SLC35F3: variants seen among roughly 807,000 people sequenced by gnomAD.
SLC35F3 encodes solute carrier family 35 member F3.
Under a neutral mutation model 49.9 loss-of-function variants are expected in SLC35F3, and 25 were observed. The ratio of observed to expected loss-of-function variants is 0.50; its 90% confidence interval spans 0.37 to 0.70. The LOEUF is 0.70. SLC35F3 is among the 30% of genes least tolerant of loss of function. The pLI is 0.00. For missense variants in SLC35F3, 525 were observed against 639.8 expected (o/e 0.82, Z 1.94); for synonymous variants, 275 against 265.4 (o/e 1.04, Z -0.35).
chr1:234,293,832 A>G (rs1466219037), intron 3 of SLC35F3, among the ~76,000 whole-genome samples: 8 of 152,250 alleles, frequency 5.3e-5, no homozygotes, highest in Admixed American at 3.9e-4. Context: ...GAGATATAAC[A>G]ACCTTTAATT....
chr1:234,052,333 C>G (rs995786408), intron 2 of SLC35F3, among the ~76,000 whole-genome samples: 5 of 152,274 alleles, frequency 3.3e-5, no homozygotes, highest in African/African-American at 9.6e-5. Flanking sequence ...TTGGTCTATT[C>G]AGGGATTCCG....
chr1:234,267,518 C>T (rs867449602), intron 3 of SLC35F3, among the ~76,000 whole-genome samples: 1 of 125,524 alleles, frequency 8.0e-6, no homozygotes, highest in African/African-American at 3.5e-5. Flanking sequence ...CTGACCCCCC[C>T]ACCTCCCTCC....
At chr1:234,140,744 G>A (rs891130406) in intron 2 of SLC35F3, among the ~76,000 whole-genome samples, 5 of 152,100 alleles carry the variant, frequency 3.3e-5, no homozygotes, top group Non-Finnish European at 7.4e-5. Context: ...TGTATATCTC[G>A]AAGTCAGGTT....
At chr1:234,049,692 G>C (rs1664346566) in intron 2 of SLC35F3, among the ~76,000 whole-genome samples, 1 of 152,136 alleles carries the variant, frequency 6.6e-6, no homozygotes, top group South Asian at 2.1e-4. Flanking sequence ...CAACATGCAG[G>C]TTTGTTACAT....
intron 2 of SLC35F3, among the ~76,000 whole-genome samples, chr1:234,002,478 C>T (rs1572015574): frequency 6.6e-6 from 1 of 152,210 alleles, no homozygotes; most frequent in South Asian, 2.1e-4. Flanking sequence ...TAGACTGTCT[C>T]ACAGTAGGAA....
At chr1:234,125,053 C>G (rs1665627196) in intron 2 of SLC35F3, among the ~76,000 whole-genome samples, 3 of 152,148 alleles carry the variant, frequency 2.0e-5, no homozygotes, top group Admixed American at 2.0e-4. Flanking sequence ...ATAGCTTATT[C>G]TACTGAAATT....
chr1:234,081,639 C>T (rs141662485), intron 2 of SLC35F3, among the ~76,000 whole-genome samples: 2 of 152,198 alleles, frequency 1.3e-5, no homozygotes, highest in East Asian at 3.9e-4. Flanking sequence ...TGCCTTTAAC[C>T]AGGGCTTCTG....
chr1:234,042,566 C>T (rs1378920243), intron 2 of SLC35F3, among the ~76,000 whole-genome samples: 5 of 152,026 alleles, frequency 3.3e-5, no homozygotes, highest in African/African-American at 7.3e-5. Flanking sequence ...AAAGAGCATG[C>T]ATCTGTCTTT....
At chr1:234,071,411 G>A (rs905149064) in intron 2 of SLC35F3, among the ~76,000 whole-genome samples, 5 of 152,110 alleles carry the variant, frequency 3.3e-5, no homozygotes, top group Non-Finnish European at 5.9e-5. Context: ...CAAAGACGAC[G>A]TTCTTGTCAC....
At position 234,278,732 on chromosome 1, in the gene SLC35F3, C is replaced by T. The variant is rs540552033; in HGVS notation, c.609-30369C>T. 3.0e-3 allele frequency among the ~76,000 whole-genome samples: 460 copies of T among 152,172 alleles called. 3 individuals are homozygous for T. Among genetic ancestry groups the T allele is most frequent in the African/African-American group, 0.011 (437 of 41,514 alleles). ...TCCAGTGTCTGATGAGGACCTATTT[C>T]CCGGTTTGCAGAGAGCTGTCTTCTT... On this transcript the variant is annotated intron_variant, in intron 3 of 7. Transcript: ENST00000366618.
chr1:234,108,416 ATTAT>A (rs1337481286), intron 2 of SLC35F3, among the ~76,000 whole-genome samples: 1 of 118,282 alleles, frequency 8.5e-6, no homozygotes, highest in African/African-American at 3.4e-5. Flanking sequence ...TATGATATAT[ATTAT>A]TTATATATAA....
chr1:234,244,191 C>A (rs943755598), intron 3 of SLC35F3, among the ~76,000 whole-genome samples: 1 of 152,150 alleles, frequency 6.6e-6, no homozygotes, highest in Non-Finnish European at 1.5e-5. Context: ...CTTAGATATC[C>A]TTATTGGCCA....
intron 2 of SLC35F3, among the ~76,000 whole-genome samples, chr1:234,137,923 T>G (rs141924641): frequency 8.5e-5 from 13 of 152,102 alleles, no homozygotes; most frequent in Middle Eastern, 3.4e-3. Context: ...AAAGGTTAGA[T>G]TTGGGTTGGG....
At chr1:234,316,865 G>A (rs1657501594) in intron 5 of SLC35F3, 138 bp downstream of exon 5, 1 of 1,130,356 alleles carries the variant, frequency 8.8e-7, no homozygotes, top group Non-Finnish European at 1.2e-6. Context: ...TAGATAGCTG[G>A]AGTCAACTGT....
intron 2 of SLC35F3, among the ~76,000 whole-genome samples, chr1:234,111,617 C>T (rs1055527515): frequency 6.6e-6 from 1 of 152,166 alleles, no homozygotes; most frequent in African/African-American, 2.4e-5. Context: ...CTGAAGACTC[C>T]GTGCTGAAGA....
chr1:233,930,817 A>G (rs56086511), intron 2 of SLC35F3, among the ~76,000 whole-genome samples: 41,453 of 152,154 alleles, frequency 0.27, 5,842 homozygotes, highest in East Asian at 0.33. Flanking sequence ...TTTACTATTC[A>G]TTAAATGGAA....
chr1:234,047,292 C>A (rs567985182), intron 2 of SLC35F3, among the ~76,000 whole-genome samples: 2 of 152,236 alleles, frequency 1.3e-5, no homozygotes, highest in South Asian at 4.1e-4. Context: ...AAACATTATT[C>A]TGAGTGTGTC....
chr1:234,146,481 C>CTTTTT (rs869146212), intron 2 of SLC35F3, among the ~76,000 whole-genome samples: 1,224 of 74,034 alleles, frequency 0.017, 194 homozygotes, highest in African/African-American at 0.073. Flanking sequence ...GATATTTGCT[C>CTTTTT]TTTTTTTTTT....
intron 2 of SLC35F3, among the ~76,000 whole-genome samples, chr1:233,961,448 T>C (rs983255199): frequency 2.7e-5 from 4 of 148,218 alleles, no homozygotes; most frequent in African/African-American, 9.9e-5. Flanking sequence ...CTTTTTTTTT[T>C]TCCTCTCTTT....
Sources: gnomAD v4.1 joint callset for allele counts (sites outside exome capture counted in the v4.1 genomes callset) on GRCh38, gnomAD v4.1.1 for gene constraint, MANE v1.5 for transcripts, NCBI Gene and HGNC (gene_info 2026-07-23, HGNC 2026-07-21) for gene names.